KIAA0319L: variants seen among roughly 807,000 people sequenced by gnomAD.
KIAA0319L encodes KIAA0319 like, also known as dyslexia-associated protein KIAA0319-like protein.
KIAA0319L carries 55 observed loss-of-function variants against 120.1 expected under a neutral mutation model. The ratio of observed to expected loss-of-function variants is 0.46; its 90% confidence interval spans 0.37 to 0.57. KIAA0319L has a LOEUF of 0.57. Among genes scored for constraint, KIAA0319L ranks in the 20% least tolerant of loss-of-function variants. The pLI, the probability that KIAA0319L is intolerant of heterozygous loss-of-function variation, is 0.00. For synonymous variants in KIAA0319L, 398 were observed against 471.9 expected, an observed-to-expected ratio of 0.84 and a Z score of 2.03; for missense variants, 1,049 against 1,255.3, an observed-to-expected ratio of 0.84 and a Z score of 2.48.
chr1:35,456,844 G>C (rs376887168), intron 9 of KIAA0319L, among the ~76,000 whole-genome samples: 16 of 139,768 alleles, frequency 1.1e-4, no homozygotes, highest in African/African-American at 3.6e-4. Flanking sequence ...AGGAAGGAAG[G>C]AGAGATGGAG....
intron 19 of KIAA0319L, 95 bp downstream of exon 19, chr1:35,442,151 C>T (rs1347975575): frequency 2.2e-6 from 2 of 918,062 alleles, no homozygotes; most frequent in Admixed American, 3.4e-5. Flanking sequence ...AAGGACCCAG[C>T]CCAGTCCTTC....
chr1:35,500,191 C>T (rs1444934878), intron 3 of KIAA0319L, among the ~76,000 whole-genome samples: 4 of 152,194 alleles, frequency 2.6e-5, no homozygotes, highest in African/African-American at 7.2e-5. Flanking sequence ...TCATTTCCTG[C>T]GCTCAAATAA....
chr1:35,457,989 G>A (rs1368962907), intron 9 of KIAA0319L, among the ~76,000 whole-genome samples: 2 of 152,130 alleles, frequency 1.3e-5, no homozygotes, highest in Non-Finnish European at 2.9e-5. Context: ...AGGCTGGAGT[G>A]CAGTGGTGCG....
At chr1:35,456,748 T>A (rs757633031) in intron 9 of KIAA0319L, among the ~76,000 whole-genome samples, 2 of 151,030 alleles carry the variant, frequency 1.3e-5, no homozygotes, top group Non-Finnish European at 2.9e-5. Flanking sequence ...GAGGCGGACG[T>A]TGCAGTGAGC....
At chr1:35,526,346 C>CGT (rs200725950) in intron 2 of KIAA0319L, among the ~76,000 whole-genome samples, 19 of 128,104 alleles carry the variant, frequency 1.5e-4, no homozygotes, top group African/African-American at 2.5e-4. Flanking sequence ...TATATATGTA[C>CGT]GTGTGTGTGT....
chr1:35,437,965 A>C lies in KIAA0319L; in HGVS notation c.2963-2884T>G, dbSNP rs1640917227. 2.6e-5 allele frequency among the ~76,000 whole-genome samples: 4 copies of C among 152,262 alleles called. No homozygotes were observed. The South Asian group carries it at 8.3e-4, about 32-fold the overall frequency. On this transcript the variant is annotated intron_variant, in intron 20 of 20. Transcript: ENST00000325722. This position sits in a 1 kb window ranked among gnomAD's most constrained non-coding sequence, Gnocchi z 4.1. ...AGTCAGCCCTGACCTTGCCAGACCT[A>C]GCTATAACCCACTGACACCACGCTG...
intron 2 of KIAA0319L, among the ~76,000 whole-genome samples, chr1:35,521,999 A>AT (rs1645940857): frequency 6.6e-6 from 1 of 152,084 alleles, no homozygotes; most frequent in African/African-American, 2.4e-5. Flanking sequence ...AAATAAATAA[A>AT]GAAGGAAGGA....
chr1:35,482,681 G>C (rs181251675), intron 3 of KIAA0319L, among the ~76,000 whole-genome samples: 1 of 152,016 alleles, frequency 6.6e-6, no homozygotes, highest in Non-Finnish European at 1.5e-5. Context: ...CACCCACCTC[G>C]GCCTCCCAAA....
intron 2 of KIAA0319L, among the ~76,000 whole-genome samples, chr1:35,551,026 A>G (rs1196987136): frequency 6.6e-6 from 1 of 152,238 alleles, no homozygotes; most frequent in Non-Finnish European, 1.5e-5. Flanking sequence ...ATCTAAGTGT[A>G]TCCTTCAGAT....
intron 14 of KIAA0319L, 127 bp from the exon 15 acceptor site, chr1:35,450,132 T>C: frequency 8.3e-7 from 1 of 1,200,218 alleles, no homozygotes; most frequent in Non-Finnish European, 1.2e-6. Context: ...CAGTTCCTGA[T>C]ACGGAACAGC....
At chr1:35,451,834 A>T in intron 12 of KIAA0319L, 58 bp from the exon 13 acceptor site, 1 of 1,562,842 alleles carries the variant, frequency 6.4e-7, no homozygotes. Flanking sequence ...TCCTGTCCCT[A>T]ACTTAGCAGG....
intron 3 of KIAA0319L, among the ~76,000 whole-genome samples, chr1:35,491,347 T>C (rs957464222): frequency 3.3e-5 from 5 of 152,130 alleles, no homozygotes; most frequent in Non-Finnish European, 7.4e-5. Context: ...CTAATCCAGA[T>C]TAAAGTTCAA....
At chr1:35,446,114 C>A (rs1329429310) in intron 16 of KIAA0319L, among the ~76,000 whole-genome samples, 4 of 152,164 alleles carry the variant, frequency 2.6e-5, no homozygotes, top group South Asian at 2.1e-4. Context: ...GGTACCCAGA[C>A]CCCACTCCAG....
At chr1:35,443,673 AAAATAAAT>A (rs750954696) in intron 17 of KIAA0319L, among the ~76,000 whole-genome samples, 83 of 151,022 alleles carry the variant, frequency 5.5e-4, no homozygotes, top group Non-Finnish European at 7.2e-4. Flanking sequence ...ACTCTATCTC[AAAATAAAT>A]AAATAAATAA....
intron 4 of KIAA0319L, among the ~76,000 whole-genome samples, chr1:35,478,492 C>T (rs906572765): frequency 1.3e-5 from 2 of 152,150 alleles, no homozygotes; most frequent in Non-Finnish European, 2.9e-5. Context: ...GATTATTACA[C>T]ATTGCATGTC....
chr1:35,459,113 C>T (rs1570674577), intron 9 of KIAA0319L, among the ~76,000 whole-genome samples: 1 of 152,022 alleles, frequency 6.6e-6, no homozygotes, highest in African/African-American at 2.4e-5. Context: ...ACATAGAGGC[C>T]CTGAGTGCAA....
chr1:35,470,492 CAAAAAAAAAAA>C (rs34215571), intron 6 of KIAA0319L, among the ~76,000 whole-genome samples: 12 of 73,436 alleles, frequency 1.6e-4, no homozygotes, highest in Non-Finnish European at 2.6e-4. Flanking sequence ...GACCCTGTCT[CAAAAAAAAAAA>C]AAAAAAAAAA....
Position 35,475,150 on chromosome 1 carries a change from T to C in KIAA0319L, c.914-244A>G, listed in dbSNP as rs546150012. On this transcript the variant is annotated intron_variant, in intron 4 of 20. Coordinates refer to ENST00000325722, the MANE Select transcript of KIAA0319L (RefSeq NM_024874.5). The stretch of plus-strand genomic sequence containing the variant: ...TACCCTAATACCCTCATTCTTCATC[T>C]CACATCTCAGTGGCTTCTACTATTG... Among the ~76,000 whole-genome samples the C allele has an allele frequency of 5.3e-5, 8 of 152,336 alleles. No individual in the cohort carries two copies. In the East Asian group the frequency reaches 9.6e-4, roughly 18 times the overall value.
At chr1:35,467,941 G>A (rs1181869705) in intron 6 of KIAA0319L, among the ~76,000 whole-genome samples, 2 of 151,972 alleles carry the variant, frequency 1.3e-5, no homozygotes, top group South Asian at 2.1e-4. Flanking sequence ...CACCCACCTC[G>A]GCCTCCCAAA....
Sources: allele counts gnomAD v4.1 joint callset (sites outside exome capture counted in the v4.1 genomes callset), GRCh38; gene constraint gnomAD v4.1.1; non-coding constraint Gnocchi (gnomAD v3.1); transcripts MANE v1.5; gene names NCBI Gene and HGNC (gene_info 2026-07-23, HGNC 2026-07-21).